The following CTNND2 variants were observed in gnomAD, a reference collection of about 807,000 sequenced individuals.
CTNND2 encodes catenin delta 2.
A neutral mutation model predicts 144.4 loss-of-function variants in CTNND2; 22 were observed. The ratio of observed to expected loss-of-function variants is 0.15; its 90% CI spans 0.11 to 0.22. The LOEUF (loss-of-function observed/expected upper bound fraction) is 0.22, where lower values mean the gene tolerates loss of function less well. Among genes scored for constraint, CTNND2 ranks in the 10% least tolerant of loss-of-function variants. CTNND2 has a pLI of 1.00. For synonymous variants in CTNND2, 751 were observed against 695.6 expected (o/e 1.08, Z -1.25); for missense variants, 1,353 against 1,618.8 (o/e 0.84, Z 2.82).
At chr5:11,843,619 G>A (rs1794594002) in intron 1 of CTNND2, among the ~76,000 whole-genome samples, 1 of 152,116 alleles carries the variant, frequency 6.6e-6, no homozygotes, top group African/African-American at 2.4e-5. Context: ...TCACCACTAT[G>A]ATATTTGAGA....
intron 8 of CTNND2, among the ~76,000 whole-genome samples, chr5:11,357,790 A>G (rs561569981): frequency 6.6e-6 from 1 of 152,258 alleles, no homozygotes; most frequent in African/African-American, 2.4e-5. Flanking sequence ...AAAACATCCA[A>G]TTGTATCCCA....
At chr5:11,609,968 A>C (rs1561617167) in intron 2 of CTNND2, among the ~76,000 whole-genome samples, 1 of 152,202 alleles carries the variant, frequency 6.6e-6, no homozygotes, top group Non-Finnish European at 1.5e-5. Flanking sequence ...TTTAAACATG[A>C]GGAGAAATTT....
At position 11,615,358 on chromosome 5, in the gene CTNND2, G is replaced by A. The variant is rs773024721; in HGVS notation, c.175-50302C>T. Among the ~76,000 whole-genome samples the A allele has an allele frequency of 9.2e-5, 14 of 152,166 alleles. No individual in the cohort carries two copies. The South Asian group carries it at 2.5e-3, about 27-fold the overall frequency. On this transcript the variant is annotated intron_variant, in intron 2 of 21. Transcript: ENST00000304623. ...TGTATACAGTCCCTTAAAGAAACACGTATACACTTAATATAAAGTATTTTC... is the reference window on the plus strand; with the variant it reads ...TGTATACAGTCCCTTAAAGAAACACATATACACTTAATATAAAGTATTTTC...
intron 9 of CTNND2, among the ~76,000 whole-genome samples, chr5:11,306,764 G>C (rs1268061675): frequency 6.6e-6 from 1 of 152,198 alleles, no homozygotes. Context: ...ATGCCAAAAT[G>C]CCTCAAAGGT....
chr5:11,037,282 G>C (rs1329092790), intron 16 of CTNND2, among the ~76,000 whole-genome samples: 1 of 152,116 alleles, frequency 6.6e-6, no homozygotes, highest in Admixed American at 6.5e-5. Context: ...TTCAGCCTTA[G>C]CACCAACAGG....
intron 2 of CTNND2, among the ~76,000 whole-genome samples, chr5:11,660,013 T>C (rs1487828739): frequency 1.3e-5 from 2 of 152,248 alleles, no homozygotes; most frequent in East Asian, 3.9e-4. Flanking sequence ...CAGGATGAAA[T>C]CAGATTTTGA....
intron 1 of CTNND2, among the ~76,000 whole-genome samples, chr5:11,851,824 T>C (rs1172857268): frequency 6.6e-6 from 1 of 152,212 alleles, no homozygotes; most frequent in African/African-American, 2.4e-5. Context: ...ATTTTCAAAA[T>C]CCTGGCCAGA....
At chr5:11,025,084 C>T (rs950119693) in intron 16 of CTNND2, among the ~76,000 whole-genome samples, 6 of 152,110 alleles carry the variant, frequency 3.9e-5, no homozygotes, top group African/African-American at 1.4e-4. Context: ...ATATAGGTTA[C>T]TGACATTTTA....
intron 2 of CTNND2, among the ~76,000 whole-genome samples, chr5:11,576,856 G>A (rs1489796804): frequency 6.6e-6 from 1 of 152,104 alleles, no homozygotes; most frequent in Non-Finnish European, 1.5e-5. Context: ...TCAAGACTAG[G>A]AATAGTTTCC....
chr5:11,350,911 A>G (rs1219155974), intron 8 of CTNND2, among the ~76,000 whole-genome samples: 1 of 152,204 alleles, frequency 6.6e-6, no homozygotes, highest in Non-Finnish European at 1.5e-5. Flanking sequence ...GAGAATATTA[A>G]ATAAATGAGC....
chr5:11,693,692 G>T (rs1581731290), intron 2 of CTNND2, among the ~76,000 whole-genome samples: 1 of 152,176 alleles, frequency 6.6e-6, no homozygotes, highest in Non-Finnish European at 1.5e-5. Context: ...GAGAATGAGA[G>T]AACTAGTATT....
chr5:11,505,035 G>A (rs765816839), intron 3 of CTNND2, among the ~76,000 whole-genome samples: 11 of 152,042 alleles, frequency 7.2e-5, no homozygotes, highest in Non-Finnish European at 1.2e-4. Context: ...CTAATCTCCT[G>A]CCTGGAGGCT....
intron 18 of CTNND2, among the ~76,000 whole-genome samples, chr5:10,999,704 G>T (rs1216590367): frequency 6.6e-6 from 1 of 152,144 alleles, no homozygotes; most frequent in Non-Finnish European, 1.5e-5. Flanking sequence ...AAAACTGGAG[G>T]TTGTTAAATT....
chr5:11,592,948 T>G (rs1779326840), intron 2 of CTNND2, among the ~76,000 whole-genome samples: 1 of 151,554 alleles, frequency 6.6e-6, no homozygotes, highest in African/African-American at 2.4e-5. Flanking sequence ...AATCCAGACA[T>G]GAAGCCACAC....
At chr5:11,629,422 G>A (rs530450538) in intron 2 of CTNND2, among the ~76,000 whole-genome samples, 5 of 152,184 alleles carry the variant, frequency 3.3e-5, no homozygotes, top group South Asian at 4.2e-4. Context: ...CTGGCATCTC[G>A]TTAAAATTCT....
intron 21 of CTNND2, among the ~76,000 whole-genome samples, chr5:10,978,049 C>T (rs1334151883): frequency 6.6e-6 from 1 of 152,200 alleles, no homozygotes; most frequent in Non-Finnish European, 1.5e-5. Context: ...CAGTGTGAAG[C>T]CTGTGAGACC....
At chr5:11,082,299 A>T (rs552770955) in intron 16 of CTNND2, among the ~76,000 whole-genome samples, 35 of 152,212 alleles carry the variant, frequency 2.3e-4, no homozygotes, top group South Asian at 6.2e-4. Context: ...AAAGAATAGG[A>T]TTAAAGGGCT....
intron 13 of CTNND2, among the ~76,000 whole-genome samples, chr5:11,116,915 C>T (rs576686955): frequency 5.3e-5 from 8 of 151,740 alleles, no homozygotes; most frequent in East Asian, 1.9e-4. Flanking sequence ...AAAAAATAGC[C>T]GGGTGTGGTG....
chr5:11,096,281 C>T (rs1751340535), intron 15 of CTNND2, among the ~76,000 whole-genome samples: 1 of 152,186 alleles, frequency 6.6e-6, no homozygotes, highest in South Asian at 2.1e-4. Context: ...CCGTTATCTA[C>T]ATTAGGTATT....
Sources: allele counts gnomAD v4.1 joint callset (sites outside exome capture counted in the v4.1 genomes callset), GRCh38; gene constraint gnomAD v4.1.1; transcripts MANE v1.5; gene names NCBI Gene and HGNC (gene_info 2026-07-23, HGNC 2026-07-21).